TNFSF4: variants seen among roughly 807,000 people sequenced by gnomAD.
The protein encoded by TNFSF4 is TNF superfamily member 4.
In TNFSF4, 4 loss-of-function variants were observed where a neutral mutation model predicts 7.3. That is an observed-to-expected ratio of 0.55 (90% CI 0.27 to 1.25). TNFSF4 has a LOEUF of 1.25. Ranked by LOEUF, TNFSF4 falls within the 50% of genes most tolerant of loss-of-function variation. TNFSF4 has a pLI of 0.12. For synonymous variants in TNFSF4, 76 were observed against 83.7 expected (o/e 0.91, Z 0.50); for missense variants, 181 against 208.8 (o/e 0.87, Z 0.82).
chr1:173,326,616 C>T, the TNFSF4 span, among the ~76,000 whole-genome samples: 23 of 152,138 alleles, frequency 1.5e-4, no homozygotes, highest in African/African-American at 5.5e-4. Flanking sequence ...ATCTAGAAAA[C>T]CCCATTGTCT....
chr1:173,214,467 T>C, the TNFSF4 span, among the ~76,000 whole-genome samples: 2 of 152,198 alleles, frequency 1.3e-5, no homozygotes, highest in Non-Finnish European at 2.9e-5. Flanking sequence ...AAATAACTTC[T>C]TCCTGTCAAT....
At chr1:173,326,069 A>G in the TNFSF4 span, among the ~76,000 whole-genome samples, 1 of 152,242 alleles carries the variant, frequency 6.6e-6, no homozygotes, top group Non-Finnish European at 1.5e-5. Context: ...ACAGAAAAAG[A>G]GAATTTTAGA....
At chr1:173,205,725 G>T in intron 1 of TNFSF4, 1 of 345,304 alleles carries the variant, frequency 2.9e-6, no homozygotes, top group Non-Finnish European at 4.1e-6. Context: ...TCCGGTCGAT[G>T]TCTTGGGCAT....
chr1:173,185,341 T>G lies in TNFSF4; in HGVS notation c.*1175A>C, dbSNP rs1237701893. ...TATCAAGTTAAGGGGACATTTCAAC[T>G]AAACATAAGGGGATACTATTCCATT... On this transcript the variant is annotated 3_prime_UTR_variant, in exon 3 of 3. Coordinates refer to ENST00000281834, the MANE Select transcript of TNFSF4 (RefSeq NM_003326.5). 6.6e-6 allele frequency: 1 copy of G among 152,208 alleles called. No individual in the cohort carries two copies. Among genetic ancestry groups the G allele is most frequent in the Admixed American group, 6.5e-5 (1 of 15,282 alleles). The allele number at this position is 152,208 out of a possible 1,614,324, so 9.4% of individuals were successfully genotyped here.
At chr1:173,220,300 G>C in the TNFSF4 span, among the ~76,000 whole-genome samples, 1 of 152,070 alleles carries the variant, frequency 6.6e-6, no homozygotes, top group African/African-American at 2.4e-5. Flanking sequence ...AAAAGATAAA[G>C]GAAATTAACC....
the TNFSF4 span, among the ~76,000 whole-genome samples, chr1:173,427,413 C>T: frequency 2.6e-5 from 4 of 151,976 alleles, 1 homozygote; most frequent in South Asian, 4.2e-4. Flanking sequence ...CGGGAGAGCC[C>T]GCCCCCCCAC....
At chr1:173,323,025 T>C in the TNFSF4 span, among the ~76,000 whole-genome samples, 28 of 152,104 alleles carry the variant, frequency 1.8e-4, no homozygotes, top group Admixed American at 3.3e-4. Context: ...GTCTGACAGG[T>C]GTAAAGAGAG....
At chr1:173,329,250 T>A in the TNFSF4 span, among the ~76,000 whole-genome samples, 1 of 152,186 alleles carries the variant, frequency 6.6e-6, no homozygotes, top group Non-Finnish European at 1.5e-5. Context: ...TAAAATGACA[T>A]TGTATTTGCA....
chr1:173,259,850 A>T, the TNFSF4 span, among the ~76,000 whole-genome samples: 1 of 152,204 alleles, frequency 6.6e-6, no homozygotes, highest in Non-Finnish European at 1.5e-5. Flanking sequence ...TTATGTAAAA[A>T]GACCAAACCT....
At chr1:173,429,736 T>C in the TNFSF4 span, among the ~76,000 whole-genome samples, 7 of 152,254 alleles carry the variant, frequency 4.6e-5, no homozygotes, top group Admixed American at 3.9e-4. Context: ...AGTTTTTAAT[T>C]GGGTCTGAAT....
chr1:173,406,110 G>A, the TNFSF4 span, among the ~76,000 whole-genome samples: 1 of 152,156 alleles, frequency 6.6e-6, no homozygotes, highest in African/African-American at 2.4e-5. Context: ...CTATATTCTT[G>A]TAGACACACC....
At chr1:173,371,369 C>T in the TNFSF4 span, among the ~76,000 whole-genome samples, 3 of 152,140 alleles carry the variant, frequency 2.0e-5, no homozygotes, top group East Asian at 5.8e-4. Flanking sequence ...AAAGCTGGAG[C>T]TATTATCTAT....
chr1:173,217,649 G>A, the TNFSF4 span, among the ~76,000 whole-genome samples: 1 of 152,070 alleles, frequency 6.6e-6, no homozygotes, highest in Non-Finnish European at 1.5e-5. Flanking sequence ...AAATGACTAG[G>A]CTAGTGCCAC....
the TNFSF4 span, among the ~76,000 whole-genome samples, chr1:173,352,879 T>A: frequency 6.6e-6 from 1 of 152,162 alleles, no homozygotes; most frequent in Non-Finnish European, 1.5e-5. Flanking sequence ...AGAGGCCTCC[T>A]CCTGGGAATG....
At chr1:173,286,115 A>G in the TNFSF4 span, among the ~76,000 whole-genome samples, 1 of 152,356 alleles carries the variant, frequency 6.6e-6, no homozygotes, top group African/African-American at 2.4e-5. Context: ...AAGTAAATGG[A>G]AGAGTATAAT....
the TNFSF4 span, among the ~76,000 whole-genome samples, chr1:173,412,016 G>A: frequency 2.0e-5 from 3 of 151,416 alleles, no homozygotes; most frequent in South Asian, 2.1e-4. Context: ...CTACTCAGGA[G>A]GCTAAGGCAG....
At chr1:173,284,758 G>A in the TNFSF4 span, among the ~76,000 whole-genome samples, 1 of 152,106 alleles carries the variant, frequency 6.6e-6, no homozygotes, top group Non-Finnish European at 1.5e-5. Flanking sequence ...TTTGAAGCAT[G>A]GTTTACTGAC....
At chr1:173,338,403 T>G in the TNFSF4 span, among the ~76,000 whole-genome samples, 1 of 152,100 alleles carries the variant, frequency 6.6e-6, no homozygotes, top group Non-Finnish European at 1.5e-5. Flanking sequence ...TCACAGAAAA[T>G]GAAGTGTGTC....
At chr1:173,187,511 C>T (rs951529049) in intron 2 of TNFSF4, among the ~76,000 whole-genome samples, 1 of 152,170 alleles carries the variant, frequency 6.6e-6, no homozygotes, top group African/African-American at 2.4e-5. Context: ...CCTTTGTTAG[C>T]GGTCACTTAA....
Sources: allele counts gnomAD v4.1 joint callset (sites outside exome capture counted in the v4.1 genomes callset), GRCh38; gene constraint gnomAD v4.1.1; transcripts MANE v1.5; gene names NCBI Gene and HGNC (gene_info 2026-07-23, HGNC 2026-07-21).